Variants in DHX8 observed in about 807,000 individuals in gnomAD.
The protein encoded by DHX8 is DEAH-box helicase 8, also known as ATP-dependent RNA helicase DHX8.
In DHX8, 67 loss-of-function variants were observed where a neutral mutation model predicts 140.7. The ratio of observed to expected loss-of-function variants is 0.48; its 90% CI spans 0.39 to 0.58. DHX8 has a LOEUF of 0.58. Ranked by LOEUF, DHX8 falls within the 20% of genes least tolerant of loss-of-function variation. The probability of loss-of-function intolerance (pLI) is 0.00; values close to 1 mark genes in which losing one functional copy is unlikely to be tolerated. For missense variants in DHX8, 887 were observed against 1,550.7 expected (o/e 0.57, Z 7.19); for synonymous variants, 533 against 553.2 (o/e 0.96, Z 0.51).
chr17:43,486,023 G>A (rs910279049), intron 1 of DHX8, among the ~76,000 whole-genome samples: 1 of 151,544 alleles, frequency 6.6e-6, no homozygotes, highest in South Asian at 2.1e-4. Flanking sequence ...ATGGCGAAAC[G>A]CCATTTCTAC....
chr17:43,514,149 C>G (rs73304560), intron 17 of DHX8, among the ~76,000 whole-genome samples: 1 of 151,868 alleles, frequency 6.6e-6, no homozygotes, highest in Non-Finnish European at 1.5e-5. Flanking sequence ...CTAAACTAGC[C>G]TGGGCAACAT....
chr17:43,530,704 A>G (rs1337867200), downstream of DHX8, among the ~76,000 whole-genome samples: 1 of 151,920 alleles, frequency 6.6e-6, no homozygotes, highest in African/African-American at 2.4e-5. Context: ...TTGTTTTTTC[A>G]GGTCTAACAG....
chr17:43,511,456 A>ATTTTTTTTTTTTTGTTT (rs1969825046), intron 16 of DHX8, among the ~76,000 whole-genome samples: 1 of 56,790 alleles, frequency 1.8e-5, no homozygotes, highest in Admixed American at 3.3e-4. Context: ...TGATCCCAGC[A>ATTTTTTTTTTTTTGTTT]TTTTTTTTTT....
At chr17:43,518,311 T>C (rs1450575483) in intron 18 of DHX8, 1 of 152,218 alleles carries the variant, frequency 6.6e-6, no homozygotes, top group Non-Finnish European at 1.5e-5. Flanking sequence ...CATCACACTT[T>C]ATATACACTT....
In DHX8 at chr17:43,488,988, CTT is replaced by C. The variant is rs761077117; in HGVS notation, c.149-460_149-459del. On this transcript the variant is annotated intron_variant, in intron 1 of 22. Coordinates refer to ENST00000262415, the MANE Select transcript of DHX8 (RefSeq NM_004941.3). ...AATTTCAGCAGTCTAGATTTTCTCT[CTT>C]GTTTTCTTGTTTTGTTTTTTTTGTT... is the stretch of plus-strand genomic sequence containing the variant. 2.3e-4 allele frequency among the ~76,000 whole-genome samples: 35 copies of C among 151,986 alleles called. 3 individuals carry two copies. The highest frequency in any genetic ancestry group is 1.0e-3 in the Admixed American group (16 of 15,250).
chr17:43,496,467 T>C (rs1477711321), intron 9 of DHX8, among the ~76,000 whole-genome samples, 199 bp downstream of exon 9: 2 of 152,142 alleles, frequency 1.3e-5, no homozygotes, highest in Non-Finnish European at 2.9e-5. Flanking sequence ...TTATTATTAT[T>C]ATACCTGTTG....
At chr17:43,492,612 G>T in intron 5 of DHX8, 69 bp from the exon 6 acceptor site, 1 of 909,234 alleles carries the variant, frequency 1.1e-6, no homozygotes, top group Non-Finnish European at 1.8e-6. Context: ...CACTGTACTG[G>T]GTGCTTGGGG....
chr17:43,518,320 T>C (rs1257709669), intron 18 of DHX8: 1 of 152,226 alleles, frequency 6.6e-6, no homozygotes, highest in African/African-American at 2.4e-5. Context: ...TTATATACAC[T>C]TGAATCGTGC....
intron 3 of DHX8, among the ~76,000 whole-genome samples, chr17:43,542,706 C>G (rs926307542): frequency 6.6e-6 from 1 of 152,202 alleles, no homozygotes; most frequent in African/African-American, 2.4e-5. Context: ...GACACTGAAC[C>G]TGCAACCACA....
intron 4 of DHX8, 107 bp downstream of exon 4, chr17:43,491,357 ATT>A: frequency 1.8e-6 from 1 of 547,896 alleles, no homozygotes; most frequent in Non-Finnish European, 3.0e-6. Flanking sequence ...GTTGTAACTT[ATT>A]TTTAAGAATG....
At position 43,524,472 on chromosome 17, in the gene DHX8, A is replaced by C; in HGVS notation, c.*625A>C. On this transcript the variant is annotated 3_prime_UTR_variant, in exon 23 of 23. Transcript: ENST00000262415. ...GAACGCAGGGCCTCTTTGCGCTCGG[A>C]AACGACGTACAACCCAGACTTCCAG... The C allele has an allele frequency of 3.0e-6, 3 of 987,560 alleles. No homozygotes were observed. The highest frequency in any genetic ancestry group is 3.6e-6 in the Non-Finnish European group (3 of 831,494). 61.2% of individuals were successfully genotyped at this position (987,560 alleles called of 1,614,324 possible).
intron 3 of DHX8, among the ~76,000 whole-genome samples, chr17:43,538,518 G>T (rs559330261): frequency 2.0e-5 from 3 of 152,244 alleles, no homozygotes; most frequent in South Asian, 2.1e-4. Flanking sequence ...TGGGGAATAG[G>T]CAGGAAAACT....
intron 1 of DHX8, among the ~76,000 whole-genome samples, chr17:43,484,765 C>A (rs1406460283): frequency 6.6e-6 from 1 of 152,126 alleles, no homozygotes; most frequent in East Asian, 1.9e-4. Context: ...CCTCAGCCTC[C>A]CGAGTAGCTG....
At chr17:43,522,758 AAAAAAAAAAAC>A (rs951425645) in intron 22 of DHX8, among the ~76,000 whole-genome samples, 8 of 147,024 alleles carry the variant, frequency 5.4e-5, no homozygotes, top group African/African-American at 1.8e-4. Context: ...AAAAAAAAAA[AAAAAAAAAAAC>A]CAACTACCTA....
chr17:43,507,324 T>C (rs1318282155), intron 13 of DHX8, 127 bp downstream of exon 13: 5 of 1,174,636 alleles, frequency 4.3e-6, no homozygotes, highest in Non-Finnish European at 5.9e-6. Context: ...AGGGTTCCCA[T>C]TGTCATAATC....
Position 43,514,415 on chromosome 17 carries a change from T to C in DHX8, c.2643+913T>C, listed in dbSNP as rs1598166373. On this transcript the variant is annotated intron_variant, in intron 17 of 22. Transcript: ENST00000262415. ...AAAGTTTGAATCCTAGTACCCTATATTACCTATTTTAGATGGAAAGATCAG... is the reference window on the plus strand; with the variant it reads ...AAAGTTTGAATCCTAGTACCCTATACTACCTATTTTAGATGGAAAGATCAG... Among the ~76,000 whole-genome samples, 3 of 152,220 alleles carry C rather than the reference T, an allele frequency of 2.0e-5. No homozygotes were observed. The East Asian group carries it at 5.8e-4, about 29-fold the overall frequency.
At chr17:43,492,415 T>C in intron 5 of DHX8, 123 bp downstream of exon 5, 1 of 712,142 alleles carries the variant, frequency 1.4e-6, no homozygotes, top group Non-Finnish European at 2.4e-6. Flanking sequence ...ATCATATTGT[T>C]GGATCTGTTT....
At chr17:43,496,392 CA>C (rs201406887) in intron 9 of DHX8, 124 bp downstream of exon 9, 8,221 of 476,922 alleles carry the variant, frequency 0.017, no homozygotes, top group South Asian at 0.031. Flanking sequence ...ACTCATCTCT[CA>C]AAAAAAAAAG....
chr17:43,499,652 G>A (rs752489590), intron 10 of DHX8, among the ~76,000 whole-genome samples: 9 of 152,124 alleles, frequency 5.9e-5, no homozygotes, highest in Non-Finnish European at 1.3e-4. Flanking sequence ...GGTTCCCAGG[G>A]TCATACAGAA....
Sources: allele counts gnomAD v4.1 joint callset (sites outside exome capture counted in the v4.1 genomes callset), GRCh38; gene constraint gnomAD v4.1.1; transcripts MANE v1.5; gene names NCBI Gene and HGNC (gene_info 2026-07-23, HGNC 2026-07-21).